The following IFTAP variants were observed in gnomAD, a reference collection of about 807,000 sequenced individuals.
IFTAP encodes intraflagellar transport-associated protein.
IFTAP carries 19 observed loss-of-function variants against 19.4 expected under a neutral mutation model. The ratio of observed to expected loss-of-function variants is 0.98; its 90% CI spans 0.68 to 1.44. The LOEUF is 1.44. Among genes scored for constraint, IFTAP ranks in the 40% most tolerant of loss-of-function variants. The pLI, the probability that IFTAP is intolerant of heterozygous loss-of-function variation, is 0.00. For synonymous variants in IFTAP, 85 were observed against 83.5 expected (o/e 1.02, Z -0.10); for missense variants, 240 against 253.6 (o/e 0.95, Z 0.36).
At chr11:36,626,169 T>C (rs1260470201) in intron 2 of IFTAP, among the ~76,000 whole-genome samples, 4 of 151,322 alleles carry the variant, frequency 2.6e-5, no homozygotes, top group Non-Finnish European at 5.9e-5. Context: ...CCCATGGAAA[T>C]GCTGGTTCAA....
At chr11:36,642,233 A>C (rs946656891) in intron 4 of IFTAP, among the ~76,000 whole-genome samples, 25 of 152,350 alleles carry the variant, frequency 1.6e-4, no homozygotes, top group African/African-American at 6.0e-4. Flanking sequence ...AAACACCTCT[A>C]CACAAATAAA....
At chr11:36,614,587 C>A (rs1851999312) in intron 2 of IFTAP, among the ~76,000 whole-genome samples, 1 of 148,562 alleles carries the variant, frequency 6.7e-6, no homozygotes, top group Non-Finnish European at 1.5e-5. Flanking sequence ...CCTGTTGTTT[C>A]CTGACTTTTT....
chr11:36,599,206 C>T (rs1851408281), intron 1 of IFTAP, among the ~76,000 whole-genome samples: 1 of 152,174 alleles, frequency 6.6e-6, no homozygotes, highest in African/African-American at 2.4e-5. Flanking sequence ...GTTGGCCAGG[C>T]TGGTCTCAAA....
intron 1 of IFTAP, among the ~76,000 whole-genome samples, chr11:36,608,322 A>C (rs1358444754): frequency 2.6e-5 from 4 of 152,218 alleles, no homozygotes; most frequent in Non-Finnish European, 4.4e-5. Context: ...TATTTTTAAA[A>C]TGATAAATGT....
At chr11:36,634,709 A>G (rs1026989273) in intron 3 of IFTAP, among the ~76,000 whole-genome samples, 1 of 152,168 alleles carries the variant, frequency 6.6e-6, no homozygotes, top group African/African-American at 2.4e-5. Flanking sequence ...GCATGTTTCA[A>G]TTTTCTTGGC....
chr11:36,608,211 C>T (rs1253996176), intron 1 of IFTAP, among the ~76,000 whole-genome samples: 1 of 152,084 alleles, frequency 6.6e-6, no homozygotes, highest in Non-Finnish European at 1.5e-5. Flanking sequence ...GAAGTATATT[C>T]TTTAGACTCT....
chr11:36,634,271 C>A (rs1852851451), intron 3 of IFTAP, among the ~76,000 whole-genome samples: 2 of 152,098 alleles, frequency 1.3e-5, no homozygotes, highest in Admixed American at 1.3e-4. Flanking sequence ...TTTCTAATAA[C>A]TTGAAAATGT....
intron 2 of IFTAP, among the ~76,000 whole-genome samples, chr11:36,620,752 C>T (rs532171190): frequency 1.3e-5 from 2 of 151,688 alleles, no homozygotes; most frequent in South Asian, 4.2e-4. Context: ...GTATTTTGTT[C>T]CAATAATTAC....
At chr11:36,630,959 T>C (rs1438039287) in intron 2 of IFTAP, among the ~76,000 whole-genome samples, 1 of 151,300 alleles carries the variant, frequency 6.6e-6, no homozygotes, top group Non-Finnish European at 1.5e-5. Context: ...CATGCCTATC[T>C]TGCTCTACTC....
chr11:36,606,183 G>A (rs1404256920), intron 1 of IFTAP, among the ~76,000 whole-genome samples: 2 of 152,216 alleles, frequency 1.3e-5, no homozygotes, highest in South Asian at 2.1e-4. Context: ...ATAAGGCCAC[G>A]CGCAGTGGCG....
At chr11:36,616,349 C>A (rs1852089107) in intron 2 of IFTAP, among the ~76,000 whole-genome samples, 1 of 151,942 alleles carries the variant, frequency 6.6e-6, no homozygotes, top group African/African-American at 2.4e-5. Flanking sequence ...ATTTCACTTG[C>A]AATGCTTTGT....
intron 2 of IFTAP, among the ~76,000 whole-genome samples, chr11:36,619,604 G>T (rs932067857): frequency 6.6e-6 from 1 of 152,008 alleles, no homozygotes; most frequent in African/African-American, 2.4e-5. Flanking sequence ...GTTATTTTCT[G>T]TCATGTGTTA....
At chr11:36,596,147 T>C (rs1851220453) in intron 1 of IFTAP, among the ~76,000 whole-genome samples, 1 of 152,022 alleles carries the variant, frequency 6.6e-6, no homozygotes, top group Non-Finnish European at 1.5e-5. Flanking sequence ...AATTTATCTT[T>C]ATTCCTCCTG....
At chr11:36,599,286 G>A (rs896326066) in intron 1 of IFTAP, among the ~76,000 whole-genome samples, 14 of 152,130 alleles carry the variant, frequency 9.2e-5, no homozygotes, top group African/African-American at 2.9e-4. Context: ...GAGCCACCTC[G>A]CCCAGCCTAT....
intron 2 of IFTAP, among the ~76,000 whole-genome samples, chr11:36,628,967 T>C (rs922752895): frequency 6.6e-6 from 1 of 151,350 alleles, no homozygotes; most frequent in South Asian, 2.1e-4. Context: ...CATAAAACAG[T>C]TGGAATTCAG....
chr11:36,657,194 G>T (rs950849784), intron 5 of IFTAP, among the ~76,000 whole-genome samples: 1 of 152,144 alleles, frequency 6.6e-6, no homozygotes, highest in Non-Finnish European at 1.5e-5. Context: ...GGCTCCAGAT[G>T]GTGTTGTAGC....
chr11:36,619,559 C>G (rs1852221609), intron 2 of IFTAP, among the ~76,000 whole-genome samples: 1 of 152,014 alleles, frequency 6.6e-6, no homozygotes, highest in South Asian at 2.1e-4. Flanking sequence ...GAAAACACAA[C>G]AAGAAAAATA....
At chr11:36,649,295 C>T (rs1297434429) in intron 5 of IFTAP, among the ~76,000 whole-genome samples, 1 of 152,098 alleles carries the variant, frequency 6.6e-6, no homozygotes. Context: ...TGCGTGCAGG[C>T]TTATATTAAA....
chr11:36,653,220 A>T (rs998061577), intron 5 of IFTAP, among the ~76,000 whole-genome samples: 1 of 152,166 alleles, frequency 6.6e-6, no homozygotes, highest in African/African-American at 2.4e-5. Context: ...GGTACTATGA[A>T]TGAAAACAAT....
Sources: gnomAD v4.1 joint callset for allele counts (sites outside exome capture counted in the v4.1 genomes callset) on GRCh38, gnomAD v4.1.1 for gene constraint, MANE v1.5 for transcripts, NCBI Gene and HGNC (gene_info 2026-07-23, HGNC 2026-07-21) for gene names.